Variants in ERC2 observed in about 807,000 individuals in gnomAD.
ERC2 encodes the protein ERC protein 2.
ERC2 carries 42 observed loss-of-function variants against 114.8 expected under a neutral mutation model. The ratio of observed to expected loss-of-function variants is 0.37; its 90% CI spans 0.29 to 0.47. The LOEUF is 0.47. Among genes scored for constraint, ERC2 ranks in the 20% least tolerant of loss-of-function variants. The pLI, the probability that ERC2 is intolerant of heterozygous loss-of-function variation, is 0.99. For synonymous variants in ERC2, 454 were observed against 425.5 expected, an observed-to-expected ratio of 1.07 and a Z score of -0.82; for missense variants, 939 against 1,150.7, an observed-to-expected ratio of 0.82 and a Z score of 2.66.
At chr3:56,204,328 T>G (rs2048578846) in intron 3 of ERC2, among the ~76,000 whole-genome samples, 1 of 152,082 alleles carries the variant, frequency 6.6e-6, no homozygotes, top group Non-Finnish European at 1.5e-5. Flanking sequence ...CAGTAGGTAT[T>G]CAAAAAATAC....
At chr3:56,177,385 C>T (rs1171926575) in intron 3 of ERC2, among the ~76,000 whole-genome samples, 1 of 152,142 alleles carries the variant, frequency 6.6e-6, no homozygotes, top group African/African-American at 2.4e-5. Context: ...ATGAATTTCC[C>T]CAGGAGCATT....
chr3:56,377,372 G>C (rs2059585395), intron 2 of ERC2, among the ~76,000 whole-genome samples: 1 of 152,188 alleles, frequency 6.6e-6, no homozygotes, highest in South Asian at 2.1e-4. Context: ...AGAAATGCCT[G>C]AGGATGCCAT....
At chr3:55,807,393 A>G (rs1161428339) in intron 14 of ERC2, among the ~76,000 whole-genome samples, 1 of 152,122 alleles carries the variant, frequency 6.6e-6, no homozygotes, top group East Asian at 1.9e-4. Context: ...TTCCTTCCTG[A>G]ATGCAAAATA....
chr3:55,650,852 C>G (rs6777482), intron 17 of ERC2, among the ~76,000 whole-genome samples: 1 of 118,962 alleles, frequency 8.4e-6, no homozygotes, highest in Non-Finnish European at 1.8e-5. Context: ...TTTTTTTTTT[C>G]TTTTTTTTTT....
chr3:56,364,235 G>A (rs2059069144), intron 2 of ERC2, among the ~76,000 whole-genome samples: 2 of 152,156 alleles, frequency 1.3e-5, no homozygotes, highest in Admixed American at 6.5e-5. Context: ...AGGGGCTGGG[G>A]GATTGGGAAA....
intron 3 of ERC2, among the ~76,000 whole-genome samples, chr3:56,247,772 T>C (rs1218883327): frequency 6.6e-6 from 1 of 152,202 alleles, no homozygotes; most frequent in African/African-American, 2.4e-5. Flanking sequence ...TGCAAGCTCC[T>C]GGACCCCTGA....
chr3:55,995,058 G>T (rs1432148349), intron 10 of ERC2, among the ~76,000 whole-genome samples: 2 of 152,136 alleles, frequency 1.3e-5, no homozygotes, highest in African/African-American at 2.4e-5. Context: ...ACCTCGGCCG[G>T]GTGCGGTGGC....
intron 3 of ERC2, among the ~76,000 whole-genome samples, chr3:56,289,314 GCCA>G (rs2054928315): frequency 6.6e-6 from 1 of 151,942 alleles, no homozygotes; most frequent in South Asian, 2.1e-4. Flanking sequence ...AACTTCCATG[GCCA>G]CCACCCAGAT....
intron 13 of ERC2, among the ~76,000 whole-genome samples, chr3:55,922,189 T>G (rs1465238232): frequency 6.6e-6 from 1 of 152,146 alleles, no homozygotes; most frequent in Non-Finnish European, 1.5e-5. Flanking sequence ...TAAACTATTT[T>G]TATTACTGGG....
chr3:55,575,238 G>A (rs1431392306), intron 17 of ERC2, among the ~76,000 whole-genome samples: 1 of 152,020 alleles, frequency 6.6e-6, no homozygotes, highest in Non-Finnish European at 1.5e-5. Flanking sequence ...GGCTGGTCTC[G>A]AACTCCTGAC....
Position 55,721,632 on chromosome 3 carries a change from C to G in ERC2, c.2712+13139G>C, listed in dbSNP as rs75690885. ...CATTGGGACCAGAGCTGGGCTAGAA[C>G]TCTTGGGTCCATTCTCAGACCCTGA... On this transcript the variant is annotated intron_variant, in intron 15 of 17. Transcript: ENST00000288221. 2.2e-4 allele frequency among the ~76,000 whole-genome samples: 33 copies of G among 152,322 alleles called. No homozygotes were observed. In the East Asian group the frequency reaches 6.2e-3, roughly 29 times the overall value.
At chr3:55,739,995 A>G (rs757383317) in intron 14 of ERC2, among the ~76,000 whole-genome samples, 59 of 152,074 alleles carry the variant, frequency 3.9e-4, no homozygotes, top group Non-Finnish European at 7.4e-4. Context: ...GCTTCCCAAC[A>G]CCATTTGTTA....
Position 55,699,487 on chromosome 3 carries a change from G to A in ERC2, c.2738C>T (p.Ala913Val), listed in dbSNP as rs781417825. The change falls in exon 16 of 18, where the codon GCA becomes GTA. Residue 913 changes from alanine to valine, a missense_variant. Ala to Val is a moderately conservative substitution (Grantham distance 64). This residue lies in a region of ERC2 where 328 missense variants were observed against 353.9 expected (regional missense o/e 0.93). Transcript: ENST00000288221. ...QQTQNRMKLM[A>V]DNYDDDHHHY... ...GTGATGGTCATCATCATAGTTGTCT[G>A]CCATCAACTTCATTCTGTTCTGGGT... 3 of 1,612,944 alleles carry A rather than the reference G, an allele frequency of 1.9e-6. No individual in the cohort carries two copies. Among genetic ancestry groups the A allele is most frequent in the Admixed American group, 3.3e-5 (2 of 59,970 alleles).
At chr3:56,458,950 G>A (rs2063189024) in intron 1 of ERC2, among the ~76,000 whole-genome samples, 7 of 152,172 alleles carry the variant, frequency 4.6e-5, no homozygotes, top group Admixed American at 4.6e-4. Flanking sequence ...ACGGAGCATG[G>A]CTAATCTGCC....
intron 3 of ERC2, among the ~76,000 whole-genome samples, chr3:56,188,990 A>G (rs1440461786): frequency 2.0e-5 from 3 of 152,196 alleles, no homozygotes; most frequent in African/African-American, 7.2e-5. Context: ...ACAACTTGCC[A>G]TGAAATATTT....
intron 7 of ERC2, among the ~76,000 whole-genome samples, chr3:56,044,682 G>A (rs1307439803): frequency 6.6e-6 from 1 of 151,988 alleles, no homozygotes; most frequent in East Asian, 1.9e-4. Context: ...TTCCTCTTAA[G>A]AAGAGATAGC....
intron 2 of ERC2, among the ~76,000 whole-genome samples, chr3:56,402,303 G>T (rs891418967): frequency 5.9e-5 from 9 of 152,190 alleles, no homozygotes; most frequent in Admixed American, 5.2e-4. Flanking sequence ...TAGAAAATGG[G>T]TAGTAACTTC....
At chr3:55,713,239 T>C (rs1378436152) in intron 15 of ERC2, among the ~76,000 whole-genome samples, 1 of 151,926 alleles carries the variant, frequency 6.6e-6, no homozygotes, top group Non-Finnish European at 1.5e-5. Flanking sequence ...AGATGGAGTT[T>C]CACTCTTGTT....
chr3:56,210,515 T>C (rs1407618033), intron 3 of ERC2, among the ~76,000 whole-genome samples: 1 of 152,220 alleles, frequency 6.6e-6, no homozygotes, highest in Non-Finnish European at 1.5e-5. Flanking sequence ...AGGTGTGGGC[T>C]TTTACTTTGT....
Sources: allele counts gnomAD v4.1 joint callset (sites outside exome capture counted in the v4.1 genomes callset), GRCh38; gene constraint gnomAD v4.1.1; regional missense constraint gnomAD v4.1.1; transcripts MANE v1.5; gene names NCBI Gene and HGNC (gene_info 2026-07-23, HGNC 2026-07-21).